The following EPB41L4A variants were observed in gnomAD, a reference collection of about 807,000 sequenced individuals.
EPB41L4A encodes band 4.1-like protein 4A.
In EPB41L4A, 100 loss-of-function variants were observed where a neutral mutation model predicts 108.6. The ratio of observed to expected loss-of-function variants is 0.92; its 90% CI spans 0.78 to 1.09. The LOEUF (loss-of-function observed/expected upper bound fraction) is 1.09, where lower values mean the gene tolerates loss of function less well. Ranked by LOEUF, EPB41L4A falls within the 50% of genes least tolerant of loss-of-function variation. The pLI is 0.00. For synonymous variants in EPB41L4A, 319 were observed against 289.0 expected (o/e 1.10, Z -1.05); for missense variants, 1,030 against 842.7 (o/e 1.22, Z -2.75).
At chr5:112,374,388 A>G (rs967202717) in intron 1 of EPB41L4A, among the ~76,000 whole-genome samples, 2 of 152,252 alleles carry the variant, frequency 1.3e-5, no homozygotes, top group African/African-American at 4.8e-5. Context: ...AAGCAGCATT[A>G]TAAGAAATAT....
intron 17 of EPB41L4A, among the ~76,000 whole-genome samples, chr5:112,184,491 T>C (rs541024154): frequency 1.3e-5 from 2 of 152,372 alleles, no homozygotes; most frequent in East Asian, 1.9e-4. Flanking sequence ...AAAATCATTA[T>C]TTTAAATGTG....
At chr5:112,311,650 CT>C (rs1174129052) in intron 1 of EPB41L4A, among the ~76,000 whole-genome samples, 2 of 152,192 alleles carry the variant, frequency 1.3e-5, no homozygotes, top group African/African-American at 4.8e-5. Flanking sequence ...TTCTGGTCCA[CT>C]GAGACCAGAT....
chr5:112,344,830 G>A (rs1757536080), intron 1 of EPB41L4A, among the ~76,000 whole-genome samples: 1 of 152,160 alleles, frequency 6.6e-6, no homozygotes, highest in Admixed American at 6.5e-5. Context: ...AGCACCTACT[G>A]GTTCTCTTTC....
chr5:112,350,313 T>G (rs1361313720), intron 1 of EPB41L4A, among the ~76,000 whole-genome samples: 1 of 152,172 alleles, frequency 6.6e-6, no homozygotes, highest in Admixed American at 6.5e-5. Flanking sequence ...ATCCTGACTT[T>G]AATTAGTTGG....
chr5:112,255,648 G>C (rs1191669792), intron 9 of EPB41L4A, among the ~76,000 whole-genome samples: 1 of 152,054 alleles, frequency 6.6e-6, no homozygotes, highest in Non-Finnish European at 1.5e-5. Context: ...AGCCTCCTTT[G>C]CTGGTTCTCT....
chr5:112,294,437 A>C (rs1464995289), intron 2 of EPB41L4A, among the ~76,000 whole-genome samples: 1 of 152,230 alleles, frequency 6.6e-6, no homozygotes, highest in African/African-American at 2.4e-5. Context: ...AATAGGATTC[A>C]ATGCTTCCCT....
At chr5:112,181,798 C>T (rs180673918) in intron 18 of EPB41L4A, among the ~76,000 whole-genome samples, 12 of 152,098 alleles carry the variant, frequency 7.9e-5, no homozygotes, top group East Asian at 3.9e-4. Flanking sequence ...GTGGACCAGG[C>T]GCAGTGGTGC....
At chr5:112,229,508 T>C (rs1748712508) in intron 12 of EPB41L4A, among the ~76,000 whole-genome samples, 1 of 152,154 alleles carries the variant, frequency 6.6e-6, no homozygotes, top group Non-Finnish European at 1.5e-5. Context: ...GGTGCCCTCA[T>C]CACCCAAGCA....
At chr5:112,312,584 A>G (rs1013831459) in intron 1 of EPB41L4A, among the ~76,000 whole-genome samples, 10 of 152,230 alleles carry the variant, frequency 6.6e-5, no homozygotes, top group Non-Finnish European at 1.0e-4. Context: ...GCAAATACAC[A>G]CATGAAAACC....
chr5:112,219,075 T>C (rs533379120), intron 12 of EPB41L4A, among the ~76,000 whole-genome samples: 6 of 152,222 alleles, frequency 3.9e-5, no homozygotes, highest in Non-Finnish European at 5.9e-5. Context: ...TTTTTCTCTT[T>C]GTGTTTGCAT....
At chr5:112,331,845 C>G (rs1418411690) in intron 1 of EPB41L4A, among the ~76,000 whole-genome samples, 1 of 152,206 alleles carries the variant, frequency 6.6e-6, no homozygotes, top group Non-Finnish European at 1.5e-5. Context: ...GTCCATGGCC[C>G]CCACAAGGTG....
intron 12 of EPB41L4A, 92 bp from the exon 13 acceptor site, chr5:112,210,074 A>G: frequency 1.4e-6 from 1 of 736,850 alleles, no homozygotes. Context: ...ATGCAATTTT[A>G]GGGACACTGT....
chr5:112,258,183 C>G (rs1751242231), intron 9 of EPB41L4A, among the ~76,000 whole-genome samples: 1 of 152,142 alleles, frequency 6.6e-6, no homozygotes, highest in African/African-American at 2.4e-5. Context: ...ATTAGGAGAA[C>G]AAAGAGTAGC....
At chr5:112,418,237 C>T (rs779437787) in intron 1 of EPB41L4A, among the ~76,000 whole-genome samples, 5 of 152,218 alleles carry the variant, frequency 3.3e-5, no homozygotes, top group Admixed American at 6.5e-5. Context: ...TCACTACAAA[C>T]ATACGTACCT....
chr5:112,383,076 C>T lies in EPB41L4A; in HGVS notation c.99+35865G>A, dbSNP rs955430870. 2.4e-4 allele frequency among the ~76,000 whole-genome samples: 36 copies of T among 152,134 alleles called. 2 individuals carry two copies. Among genetic ancestry groups the T allele is most frequent in the African/African-American group, 7.5e-4 (31 of 41,430 alleles). Reference sequence around the variant, plus strand: ...AAGTCAAGGCTCTCCCCAGAGGATCCTCAGAAGTGCATGTGAAGGGTTAGA... The same window carrying T: ...AAGTCAAGGCTCTCCCCAGAGGATCTTCAGAAGTGCATGTGAAGGGTTAGA... On this transcript the variant is annotated intron_variant, in intron 1 of 22. Transcript: ENST00000261486.
intron 1 of EPB41L4A, among the ~76,000 whole-genome samples, chr5:112,415,735 AAAC>A (rs1762674913): frequency 6.6e-6 from 1 of 152,188 alleles, no homozygotes; most frequent in African/African-American, 2.4e-5. Flanking sequence ...TTACTTGAAT[AAAC>A]AACAGATAGC....
intron 2 of EPB41L4A, among the ~76,000 whole-genome samples, chr5:112,286,231 A>T (rs1753268244): frequency 1.3e-5 from 2 of 151,990 alleles, no homozygotes; most frequent in Admixed American, 1.3e-4. Flanking sequence ...ATTTCCTTGC[A>T]CATCCTTGCT....
In EPB41L4A at chr5:112,295,982, T is replaced by A. The variant is rs563669782; in HGVS notation, c.204+11404A>T. Among the ~76,000 whole-genome samples, 7 of 152,344 alleles carry A rather than the reference T, an allele frequency of 4.6e-5. No homozygotes were observed. In the South Asian group the frequency reaches 1.2e-3, roughly 27 times the overall value. ...TTAGGAATAGAATTCCAAAATGAAA[T>A]ACTTTTCATGGAACTCAAGTTAACA... On this transcript the variant is annotated intron_variant, in intron 2 of 22. Transcript: ENST00000261486.
chr5:112,143,850 C>T (rs1277634846), exon 14 of EPB41L4A: 1 of 455,626 alleles, frequency 2.2e-6, no homozygotes, highest in Admixed American at 2.4e-5. Flanking sequence ...TGTGCTGACC[C>T]TGTATAAACA....
Sources: allele counts gnomAD v4.1 joint callset (sites outside exome capture counted in the v4.1 genomes callset), GRCh38; gene constraint gnomAD v4.1.1; transcripts MANE v1.5; gene names NCBI Gene and HGNC (gene_info 2026-07-23, HGNC 2026-07-21).